ZNF831: variants seen among roughly 807,000 people sequenced by gnomAD.
ZNF831 encodes the protein zinc finger protein 831.
In ZNF831, 59 loss-of-function variants were observed where a neutral mutation model predicts 95.8. That is an observed-to-expected ratio of 0.62 (90% CI 0.50 to 0.77). The LOEUF is 0.77. Ranked by LOEUF, ZNF831 falls within the 30% of genes least tolerant of loss-of-function variation. The pLI is 0.00. For missense variants in ZNF831, 2,205 were observed against 2,164.0 expected (o/e 1.02, Z -0.38); for synonymous variants, 961 against 925.5 (o/e 1.04, Z -0.70).
chr20:59,206,703 C>T (rs1022513034), intron 3 of ZNF831, among the ~76,000 whole-genome samples: 2 of 152,148 alleles, frequency 1.3e-5, no homozygotes, highest in African/African-American at 4.8e-5. Flanking sequence ...CATTTAGTTC[C>T]TACAACAACC....
intron 1 of ZNF831, among the ~76,000 whole-genome samples, chr20:59,127,075 G>T (rs1409103976): frequency 6.6e-6 from 1 of 152,100 alleles, no homozygotes; most frequent in Non-Finnish European, 1.5e-5. Flanking sequence ...CAGGAGGTTT[G>T]CTTCTTGGGT....
intron 3 of ZNF831, among the ~76,000 whole-genome samples, chr20:59,204,748 C>T (rs1025161291): frequency 4.6e-5 from 7 of 152,070 alleles, no homozygotes; most frequent in African/African-American, 1.2e-4. Context: ...TGCAGCCTGA[C>T]GAAAGTGTCC....
rs1988247544 is a variant in ZNF831, at chr20:59,257,698, C to T, written c.*2955C>T. On this transcript the variant is annotated 3_prime_UTR_variant, in exon 6 of 6. Transcript: ENST00000371030. ...GAGTTTAAAGATCAGGGATTTCCTTCTTTCCCCAGTGCTAATTTTCCCAGT... is the reference window on the plus strand; with the variant it reads ...GAGTTTAAAGATCAGGGATTTCCTTTTTTCCCCAGTGCTAATTTTCCCAGT... 6.6e-6 allele frequency: 1 copy of T among 152,182 alleles called. No homozygotes were observed. The highest frequency in any genetic ancestry group is 1.5e-5 in the Non-Finnish European group (1 of 68,024). 9.4% of individuals were successfully genotyped at this position (152,182 alleles called of 1,614,324 possible).
intron 4 of ZNF831, among the ~76,000 whole-genome samples, chr20:59,244,001 C>T (rs934321391): frequency 1.1e-4 from 16 of 152,084 alleles, no homozygotes; most frequent in Middle Eastern, 3.4e-3. Context: ...TTTATTTTAG[C>T]GCATTCTCTT....
intron 2 of ZNF831, among the ~76,000 whole-genome samples, chr20:59,149,536 A>G (rs914307177): frequency 1.3e-5 from 2 of 152,220 alleles, no homozygotes; most frequent in African/African-American, 4.8e-5. Flanking sequence ...ACTCCATAAT[A>G]TATCTATTGA....
At chr20:59,210,621 G>C (rs1200851827) in intron 4 of ZNF831, among the ~76,000 whole-genome samples, 3 of 152,172 alleles carry the variant, frequency 2.0e-5, no homozygotes, top group African/African-American at 7.2e-5. Context: ...AGTGAGCAGA[G>C]AGCCCAGAAT....
In ZNF831 at chr20:59,257,773, A is replaced by G. The variant is rs1393601939; in HGVS notation, c.*3030A>G. The G allele has an allele frequency of 6.6e-6, 1 of 152,200 alleles. No individual in the cohort carries two copies. The highest frequency in any genetic ancestry group is 1.9e-4 in the East Asian group (1 of 5,196). 9.4% of individuals were successfully genotyped at this position (152,200 alleles called of 1,614,324 possible). On this transcript the variant is annotated 3_prime_UTR_variant, in exon 6 of 6. Coordinates refer to ENST00000371030, the MANE Select transcript of ZNF831 (RefSeq NM_178457.3). ...AAGGGTCTTAACCAACTGATGCCTC[A>G]GTTTCTTCCACAGAGAATAGTTAGA...
Position 59,256,495 on chromosome 20 carries a change from A to G in ZNF831, c.*1752A>G, listed in dbSNP as rs1385249465. ...AGAGGCAGTGTAGGCAAATGGTCTG[A>G]GCCTTGGATGGAGATTGAAGTCCTG... is the stretch of plus-strand genomic sequence containing the variant. On this transcript the variant is annotated 3_prime_UTR_variant, in exon 6 of 6. Coordinates refer to ENST00000371030, the MANE Select transcript of ZNF831 (RefSeq NM_178457.3). 1.3e-5 allele frequency: 2 copies of G among 152,224 alleles called. No individual in the cohort carries two copies. The highest frequency in any genetic ancestry group is 2.9e-5 in the Non-Finnish European group (2 of 68,042). 9.4% of individuals were successfully genotyped at this position (152,224 alleles called of 1,614,324 possible).
At chr20:59,219,553 A>G (rs1985940985) in intron 4 of ZNF831, among the ~76,000 whole-genome samples, 1 of 152,102 alleles carries the variant, frequency 6.6e-6, no homozygotes, top group Non-Finnish European at 1.5e-5. Context: ...GTGCTAGCAT[A>G]AACAGGAGCA....
intron 1 of ZNF831, among the ~76,000 whole-genome samples, chr20:59,175,947 G>A (rs1261209040): frequency 6.6e-6 from 1 of 152,232 alleles, no homozygotes; most frequent in East Asian, 1.9e-4. Flanking sequence ...TCCCTACTCA[G>A]CCTCTGTTGG....
chr20:59,207,894 G>A (rs1485200565), intron 4 of ZNF831, among the ~76,000 whole-genome samples: 1 of 152,224 alleles, frequency 6.6e-6, no homozygotes, highest in Non-Finnish European at 1.5e-5. Flanking sequence ...GGCCCTGGGG[G>A]ATCCTTTGCT....
At chr20:59,240,858 T>G (rs1028460650) in intron 4 of ZNF831, among the ~76,000 whole-genome samples, 1 of 152,108 alleles carries the variant, frequency 6.6e-6, no homozygotes, top group Non-Finnish European at 1.5e-5. Flanking sequence ...TACTCTTCCT[T>G]TTTATTCCCT....
At chr20:59,185,427 T>A (rs752465341) in intron 1 of ZNF831, among the ~76,000 whole-genome samples, 23 of 152,182 alleles carry the variant, frequency 1.5e-4, no homozygotes, top group Middle Eastern at 3.4e-3. Context: ...TCCCACCCTA[T>A]GAGAGTCAGT....
intron 4 of ZNF831, among the ~76,000 whole-genome samples, chr20:59,227,602 C>G (rs6026769): frequency 0.02 from 3,023 of 152,316 alleles, 110 homozygotes; most frequent in African/African-American, 0.068. Context: ...TTATTTTAAA[C>G]AAGCATTTGT....
chr20:59,182,383 A>C (rs537863569), intron 1 of ZNF831, among the ~76,000 whole-genome samples: 2 of 152,174 alleles, frequency 1.3e-5, no homozygotes, highest in African/African-American at 4.8e-5. Flanking sequence ...CATCTGTTTA[A>C]TCCTCGTTAT....
At chr20:59,170,751 A>G (rs1416978697) in intron 1 of ZNF831, among the ~76,000 whole-genome samples, 1 of 152,198 alleles carries the variant, frequency 6.6e-6, no homozygotes, top group Non-Finnish European at 1.5e-5. Context: ...TCTCCCAGCA[A>G]GGACACACGT....
intron 4 of ZNF831, among the ~76,000 whole-genome samples, chr20:59,249,142 G>A (rs995174436): frequency 2.0e-5 from 3 of 152,084 alleles, no homozygotes; most frequent in African/African-American, 4.8e-5. Flanking sequence ...ATCCTTTGTG[G>A]ACTTGTTCTT....
At chr20:59,166,532 A>G (rs997665212) in intron 1 of ZNF831, among the ~76,000 whole-genome samples, 20 of 152,184 alleles carry the variant, frequency 1.3e-4, no homozygotes, top group African/African-American at 4.8e-4. Context: ...TGTCACCGCA[A>G]GGATGCGTCG....
Position 59,207,050 on chromosome 20 carries a change from A to C in ZNF831, c.4021A>C (p.Ile1341Leu). Residue 1341 changes from isoleucine (I) to leucine (L), a missense_variant, in exon 4 of 6, where the codon ATA becomes CTA. Physicochemically the swap from Ile to Leu is conservative, Grantham distance 5 (BLOSUM62 2). Coordinates refer to ENST00000371030, the MANE Select transcript of ZNF831 (RefSeq NM_178457.3). ...GACCCCTGGGCAGACCTCTTCAGAAATAGCAGGTAATGCTCTCTTTGGAGG... is the reference window on the plus strand; with the variant it reads ...GACCCCTGGGCAGACCTCTTCAGAACTAGCAGGTAATGCTCTCTTTGGAGG... ...CRTPGQTSSE[I>L]AGLNLQEEPS... 6.2e-7 allele frequency: 1 copy of C among 1,614,058 alleles called. No individual in the cohort carries two copies. Among genetic ancestry groups the C allele is most frequent in the Non-Finnish European group, 8.5e-7 (1 of 1,179,956 alleles).
Sources: gnomAD v4.1 joint callset for allele counts (sites outside exome capture counted in the v4.1 genomes callset) on GRCh38, gnomAD v4.1.1 for gene constraint, MANE v1.5 for transcripts, NCBI Gene and HGNC (gene_info 2026-07-23, HGNC 2026-07-21) for gene names.